The following PDGFB variants were observed in gnomAD, a reference collection of about 807,000 sequenced individuals.
PDGFB encodes the protein platelet-derived growth factor subunit B.
A neutral mutation model predicts 29.0 loss-of-function variants in PDGFB; 6 were observed. The ratio of observed to expected loss-of-function variants is 0.21; its 90% CI spans 0.11 to 0.41. The LOEUF (loss-of-function observed/expected upper bound fraction) is 0.41, where lower values mean the gene tolerates loss of function less well. PDGFB is among the 10% of genes least tolerant of loss of function. The probability of loss-of-function intolerance (pLI) is 1.00; values close to 1 mark genes in which losing one functional copy is unlikely to be tolerated. For missense variants in PDGFB, 299 were observed against 341.8 expected (o/e 0.87, Z 0.99); for synonymous variants, 144 against 140.8 (o/e 1.02, Z -0.16).
intron 1 of PDGFB, chr22:39,241,120 G>A (rs759570560): frequency 3.6e-5 from 21 of 584,018 alleles, no homozygotes; most frequent in Admixed American, 1.2e-4. Flanking sequence ...ACTCTTTCCC[G>A]GAAGAAGTGT....
intron 3 of PDGFB, among the ~76,000 whole-genome samples, chr22:39,233,179 A>C (rs1932352193): frequency 6.6e-6 from 1 of 152,236 alleles, no homozygotes. Flanking sequence ...ATCTACCTCC[A>C]GGATTGAAAT....
At chr22:39,229,957 G>A (rs1932256700) in intron 5 of PDGFB, 127 bp downstream of exon 5, 1 of 1,135,216 alleles carries the variant, frequency 8.8e-7, no homozygotes, top group Non-Finnish European at 1.3e-6. Flanking sequence ...TCAGCAAGAT[G>A]AAAAGAAAGC....
intron 1 of PDGFB, chr22:39,240,707 A>C: frequency 1.1e-6 from 1 of 881,456 alleles, no homozygotes; most frequent in Non-Finnish European, 1.9e-6. Flanking sequence ...AAAAGTGGGG[A>C]CCAGGAGGAA....
At chr22:39,241,929 TG>T (rs1344024161) in intron 1 of PDGFB, among the ~76,000 whole-genome samples, 1 of 148,694 alleles carries the variant, frequency 6.7e-6, no homozygotes, top group African/African-American at 2.5e-5. Flanking sequence ...GTAGGTGCTG[TG>T]GTGCTGATGG....
chr22:39,243,077 G>C lies in PDGFB; in HGVS notation c.63+824C>G, dbSNP rs1251524431. 1.3e-5 allele frequency: 3 copies of C among 233,090 alleles called. No individual in the cohort carries two copies. Among genetic ancestry groups the C allele is most frequent in the Non-Finnish European group, 1.7e-5 (2 of 118,018 alleles). 14.4% of individuals were successfully genotyped at this position (233,090 alleles called of 1,614,324 possible). Reference sequence around the variant, plus strand: ...CGGCGCGCTCCGCACCCTGCATGCGGGGGAGAGAGGTGCTTCCTCCTGCAG... The same window carrying C: ...CGGCGCGCTCCGCACCCTGCATGCGCGGGAGAGAGGTGCTTCCTCCTGCAG... On this transcript the variant is annotated intron_variant, in intron 1 of 6. Transcript: ENST00000331163. The surrounding 1 kb of genome is among the most constrained non-coding windows in gnomAD (Gnocchi z 6.4).
rs768635148 is a variant in PDGFB at position 39,231,733 on chromosome 22, G to T, written c.345C>A (p.Asn115Lys). 1 of 1,612,442 alleles carries T rather than the reference G, an allele frequency of 6.2e-7. No individual in the cohort carries two copies. The highest frequency in any genetic ancestry group is 8.5e-7 in the Non-Finnish European group (1 of 1,179,520). ...EISRRLIDRT[N>K]ANFLVWPPCV... ...AGGGCGGCCACACCAGGAAGTTGGC[G>T]TTGGTGCGGTCTATGAGGCGCCGGG... Residue 115 changes from asparagine to lysine, a missense_variant, in exon 4 of 7, where the codon AAC becomes AAA. Asn to Lys is a moderately conservative substitution (Grantham distance 94). Coordinates refer to ENST00000331163, the MANE Select transcript of PDGFB (RefSeq NM_002608.4). The surrounding 1 kb of genome is among the most constrained non-coding windows in gnomAD (Gnocchi z 4.3).
rs925816768 is a variant in PDGFB, at chr22:39,224,775, AC to A, written c.*566del. The stretch of plus-strand genomic sequence containing the variant: ...AAAAGAAGCCACTGTGCACAGAGGC[AC>A]CAGGGAGACGAGGTGACTGGTGTTT... On this transcript the variant is annotated 3_prime_UTR_variant, in exon 7 of 7. Coordinates refer to ENST00000331163, the MANE Select transcript of PDGFB (RefSeq NM_002608.4). 1 of 152,366 alleles carries A rather than the reference AC, an allele frequency of 6.6e-6. No individual in the cohort carries two copies. The highest frequency in any genetic ancestry group is 2.4e-5 in the African/African-American group (1 of 41,452). 9.4% of individuals were successfully genotyped at this position (152,366 alleles called of 1,614,324 possible).
rs778082820 is a variant in PDGFB at position 39,230,089 on chromosome 22, T to C, written c.596A>G (p.Gln199Arg). 2.5e-6 allele frequency: 4 copies of C among 1,613,662 alleles called. No homozygotes were observed. Among genetic ancestry groups the C allele is most frequent in the Middle Eastern group, 3.3e-4 (2 of 6,058 alleles). The change falls in exon 5 of 7, where the codon CAG becomes CGG. Residue 199 changes from glutamine to arginine, a missense_variant. Coordinates refer to ENST00000331163, the MANE Select transcript of PDGFB (RefSeq NM_002608.4). The stretch of plus-strand genomic sequence containing the variant: ...GAGCCTGGAAAGGTGGTTACCTCGC[T>C]GCTCCTGGGAACCCCCCGGGCTTCG... ...VTRSPGGSQEQRAKTPQTRVT... is the reference protein window; with the variant it reads ...VTRSPGGSQERRAKTPQTRVT...
intron 1 of PDGFB, among the ~76,000 whole-genome samples, chr22:39,237,051 G>A (rs1043297711): frequency 1.3e-5 from 2 of 152,154 alleles, no homozygotes; most frequent in Admixed American, 1.3e-4. Context: ...CGAAGGTCGG[G>A]GGGCTCAGAG....
intron 1 of PDGFB, chr22:39,240,880 T>A: frequency 6.2e-7 from 1 of 1,612,872 alleles, no homozygotes; most frequent in Non-Finnish European, 8.5e-7. Context: ...CATCTCACCA[T>A]TCCTGCTCAG....
rs1252322446 is a variant in PDGFB at position 39,243,851 on chromosome 22, G to A, written c.63+50C>T. ...AGAGGAGGGGGCGGTCAGAAGGGGGGGGCGAAGGTAATGAATGAAGAACCA... is the reference window on the plus strand; with the variant it reads ...AGAGGAGGGGGCGGTCAGAAGGGGGAGGCGAAGGTAATGAATGAAGAACCA... On this transcript the variant is annotated intron_variant, in intron 1 of 6. Coordinates refer to ENST00000331163, the MANE Select transcript of PDGFB (RefSeq NM_002608.4). The surrounding 1 kb of genome is among the most constrained non-coding windows in gnomAD (Gnocchi z 6.4). 3 of 1,485,992 alleles carry A rather than the reference G, an allele frequency of 2.0e-6. No individual in the cohort carries two copies. Among genetic ancestry groups the A allele is most frequent in the Non-Finnish European group, 1.9e-6 (2 of 1,079,922 alleles). 92.1% of individuals were successfully genotyped at this position (1,485,992 alleles called of 1,614,324 possible).
At chr22:39,239,313 C>T (rs938411238) in intron 1 of PDGFB, among the ~76,000 whole-genome samples, 5 of 152,046 alleles carry the variant, frequency 3.3e-5, no homozygotes, top group Non-Finnish European at 7.4e-5. Flanking sequence ...TTTGCATTAT[C>T]CCTTGTGCTG....
At chr22:39,230,803 G>A (rs977063306) in intron 4 of PDGFB, among the ~76,000 whole-genome samples, 11 of 152,222 alleles carry the variant, frequency 7.2e-5, no homozygotes, top group African/African-American at 1.7e-4. Context: ...AAGGAAGTGC[G>A]GCTAAGCAGG....
intron 1 of PDGFB, among the ~76,000 whole-genome samples, chr22:39,240,048 C>T (rs972623626): frequency 3.6e-4 from 55 of 152,208 alleles, no homozygotes; most frequent in African/African-American, 1.3e-3. Flanking sequence ...TTGAAGAAGC[C>T]CTCTCGGGGC....
chr22:39,241,830 C>T (rs563081805), intron 1 of PDGFB, among the ~76,000 whole-genome samples: 13 of 152,292 alleles, frequency 8.5e-5, no homozygotes, highest in Admixed American at 3.3e-4. Flanking sequence ...ACATCACCAC[C>T]ATTTTCCACC....
intron 1 of PDGFB, chr22:39,241,003 C>T (rs1036952493): frequency 7.2e-6 from 7 of 968,740 alleles, no homozygotes; most frequent in Admixed American, 3.9e-5. Flanking sequence ...TTTGACCTGC[C>T]CTTGCACACC....
chr22:39,242,117 G>C lies in PDGFB; in HGVS notation c.63+1784C>G, dbSNP rs1181726202. ...GTGGGTGTGCGCGCACGTGTGCTCA[G>C]GCCGCGCGTGCAGGGGCCGTGCGTG... On this transcript the variant is annotated intron_variant, in intron 1 of 6. Transcript: ENST00000331163. The surrounding 1 kb of genome is among the most constrained non-coding windows in gnomAD (Gnocchi z 5.7). 3 of 226,780 alleles carry C rather than the reference G, an allele frequency of 1.3e-5. No individual in the cohort carries two copies. In the East Asian group the frequency reaches 1.9e-4, roughly 14 times the overall value. 14.0% of individuals were successfully genotyped at this position (226,780 alleles called of 1,614,324 possible). A position where few individuals can be genotyped will look rare whatever the true frequency, so the allele number is the denominator to read the frequency against.
rs1188341029 is a variant in PDGFB at position 39,224,749 on chromosome 22, G to C, written c.*593C>G. The C allele has an allele frequency of 6.6e-6, 1 of 152,338 alleles. No individual in the cohort carries two copies. The highest frequency in any genetic ancestry group is 1.5e-5 in the Non-Finnish European group (1 of 68,042). 9.4% of individuals were successfully genotyped at this position (152,338 alleles called of 1,614,324 possible). ...GAGTCCACGTCTTCAAAACGAAAACGAAAAGAAGCCACTGTGCACAGAGGC... is the reference window on the plus strand; with the variant it reads ...GAGTCCACGTCTTCAAAACGAAAACCAAAAGAAGCCACTGTGCACAGAGGC... On this transcript the variant is annotated 3_prime_UTR_variant, in exon 7 of 7. Transcript: ENST00000331163.
rs1333727554 is a variant in PDGFB, at chr22:39,244,880, G to A, written c.-917C>T. 3 of 200,196 alleles carry A rather than the reference G, an allele frequency of 1.5e-5. No individual in the cohort carries two copies. In the Admixed American group the frequency reaches 1.8e-4, roughly 12 times the overall value. The allele number at this position is 200,196 out of a possible 1,614,324, so 12.4% of individuals were successfully genotyped here. Reference sequence around the variant, plus strand: ...TATCTCTATCTAGGGAATGAAAAATGGGCGCTGGCGGCCGGAGGGGAGCCC... The same window carrying A: ...TATCTCTATCTAGGGAATGAAAAATAGGCGCTGGCGGCCGGAGGGGAGCCC... On this transcript the variant is annotated 5_prime_UTR_variant, in exon 1 of 7. Transcript: ENST00000331163. This position sits in a 1 kb window ranked among gnomAD's most constrained non-coding sequence, Gnocchi z 4.5.
Sources: allele counts gnomAD v4.1 joint callset (sites outside exome capture counted in the v4.1 genomes callset), GRCh38; gene constraint gnomAD v4.1.1; non-coding constraint Gnocchi (gnomAD v3.1); transcripts MANE v1.5; gene names NCBI Gene and HGNC (gene_info 2026-07-23, HGNC 2026-07-21).